DYNC2I1: variants seen among roughly 807,000 people sequenced by gnomAD.
The protein encoded by DYNC2I1 is dynein 2 intermediate chain 1.
A neutral mutation model predicts 133.4 loss-of-function variants in DYNC2I1; 89 were observed. The ratio of observed to expected loss-of-function variants is 0.67; its 90% confidence interval spans 0.56 to 0.80. The LOEUF is 0.80. Ranked by LOEUF, DYNC2I1 falls within the 30% of genes least tolerant of loss-of-function variation. The pLI is 0.00. For missense variants in DYNC2I1, 1,291 were observed against 1,314.5 expected (o/e 0.98, Z 0.28); for synonymous variants, 504 against 484.3 (o/e 1.04, Z -0.54).
At chr7:158,880,052 C>G in intron 5 of DYNC2I1, 63 bp downstream of exon 5, 1 of 1,522,974 alleles carries the variant, frequency 6.6e-7, no homozygotes, top group Admixed American at 2.3e-5. Context: ...TCAGAGGAGG[C>G]TTACCGGGCG....
chr7:158,874,303 G>T (rs1379931588), intron 3 of DYNC2I1, among the ~76,000 whole-genome samples: 1 of 151,878 alleles, frequency 6.6e-6, no homozygotes, highest in African/African-American at 2.4e-5. Context: ...CGCTTCCCAG[G>T]TTCAAGTGAT....
intron 8 of DYNC2I1, among the ~76,000 whole-genome samples, chr7:158,895,122 C>T (rs1238442228): frequency 6.6e-6 from 1 of 152,180 alleles, no homozygotes; most frequent in South Asian, 2.1e-4. Context: ...TTGACATTGT[C>T]TCTTACAGAA....
chr7:158,917,708 G>A (rs1848612286), intron 14 of DYNC2I1, among the ~76,000 whole-genome samples: 1 of 146,270 alleles, frequency 6.8e-6, no homozygotes, highest in African/African-American at 2.6e-5. Flanking sequence ...AACACCCCCT[G>A]CCCTCCACAC....
At chr7:158,903,612 C>T (rs1846450253) in intron 10 of DYNC2I1, 2 of 152,180 alleles carry the variant, frequency 1.3e-5, no homozygotes, top group Admixed American at 1.3e-4. Flanking sequence ...GGCACCTGTC[C>T]TGGTAGAGGT....
chr7:158,932,385 C>T (rs552933593), intron 21 of DYNC2I1, among the ~76,000 whole-genome samples: 1 of 152,184 alleles, frequency 6.6e-6, no homozygotes, highest in African/African-American at 2.4e-5. Context: ...TGGGGGTGCC[C>T]AGAGGCACAT....
At chr7:158,842,116 C>T in the DYNC2I1 span, among the ~76,000 whole-genome samples, 5 of 152,194 alleles carry the variant, frequency 3.3e-5, no homozygotes, top group Admixed American at 2.6e-4. Flanking sequence ...GCAAGCTCCG[C>T]CTCCAGGATT....
At chr7:158,916,293 C>T (rs1848273355) in intron 14 of DYNC2I1, among the ~76,000 whole-genome samples, 4 of 100,252 alleles carry the variant, frequency 4.0e-5, no homozygotes, top group African/African-American at 1.4e-4. Flanking sequence ...GAAACCTCGA[C>T]ACGGTGGTTG....
At chr7:158,932,612 C>T (rs1850336241) in intron 21 of DYNC2I1, among the ~76,000 whole-genome samples, 1 of 152,174 alleles carries the variant, frequency 6.6e-6, no homozygotes, top group Non-Finnish European at 1.5e-5. Flanking sequence ...GGAGCCATTG[C>T]AGCACGTTGA....
intron 8 of DYNC2I1, among the ~76,000 whole-genome samples, chr7:158,898,866 GGTT>G (rs1845975437): frequency 6.6e-6 from 1 of 150,416 alleles, no homozygotes; most frequent in Non-Finnish European, 1.5e-5. Flanking sequence ...ATCAGTTAAA[GGTT>G]GTTTTTTTTT....
intron 9 of DYNC2I1, 86 bp from the exon 10 acceptor site, chr7:158,902,290 A>T: frequency 9.1e-7 from 1 of 1,093,218 alleles, no homozygotes; most frequent in South Asian, 1.5e-5. Flanking sequence ...GTTTTAAGTT[A>T]TAAAGTGTCA....
At chr7:158,894,012 A>G (rs947906069) in intron 8 of DYNC2I1, among the ~76,000 whole-genome samples, 1 of 152,068 alleles carries the variant, frequency 6.6e-6, no homozygotes, top group South Asian at 2.1e-4. Context: ...ACCGTATATC[A>G]TAGTGCATAT....
At chr7:158,901,458 T>C (rs1846253055) in intron 8 of DYNC2I1, among the ~76,000 whole-genome samples, 1 of 152,184 alleles carries the variant, frequency 6.6e-6, no homozygotes, top group South Asian at 2.1e-4. Flanking sequence ...TTGCTGCACA[T>C]TTGAAGTTTA....
rs117478901 is a variant in DYNC2I1 at position 158,952,070 on chromosome 7, C to T, written c.*57-4513C>T. Among the ~76,000 whole-genome samples the T allele has an allele frequency of 1.8e-3, 280 of 152,268 alleles. 1 individual carries two copies. Among genetic ancestry groups the T allele is most frequent in the African/African-American group, 6.1e-3 (253 of 41,548 alleles). Reference sequence around the variant, plus strand: ...ACTCATGGGGCCCGAAGCCATGGTACGTGGCAAGGTCGCGGTGGAAATCCA... The same window carrying T: ...ACTCATGGGGCCCGAAGCCATGGTATGTGGCAAGGTCGCGGTGGAAATCCA... On this transcript the variant is annotated intron_variant and NMD_transcript_variant, in intron 4 of 4. Transcript: ENST00000454771.
chr7:158,890,698 C>CAAGT (rs1308992766), intron 7 of DYNC2I1, among the ~76,000 whole-genome samples: 4 of 151,970 alleles, frequency 2.6e-5, no homozygotes, highest in African/African-American at 4.8e-5. Flanking sequence ...CTCAGCCTCC[C>CAAGT]AAGTAACTGG....
At position 158,921,970 on chromosome 7, in the gene DYNC2I1, A is replaced by G. The variant is rs546625451; in HGVS notation, c.1922-407A>G. ...GCCGCTCGCAGCCTTTGAGGAGAGC[A>G]GTGTGCCACGTGGTGTTCCAGTGCT... On this transcript the variant is annotated intron_variant, in intron 15 of 24. Transcript: ENST00000407559. Among the ~76,000 whole-genome samples the G allele has an allele frequency of 2.6e-5, 4 of 152,350 alleles. No individual in the cohort carries two copies. In the South Asian group the frequency reaches 6.2e-4, roughly 24 times the overall value.
In DYNC2I1 at chr7:158,857,923, T is replaced by C. The variant is rs367708367; in HGVS notation, c.15+1173T>C. Among the ~76,000 whole-genome samples the C allele has an allele frequency of 3.5e-4, 53 of 151,936 alleles. No individual in the cohort carries two copies. The South Asian group carries it at 9.4e-3, about 27-fold the overall frequency. On this transcript the variant is annotated intron_variant, in intron 1 of 24. Transcript: ENST00000407559. ...CTCCTGCCTCAGCCTCCCGAGTAGC[T>C]GGGATTACAGGCAGGTGCCACTATG...
chr7:158,846,785 G>T, the DYNC2I1 span, among the ~76,000 whole-genome samples: 1 of 152,194 alleles, frequency 6.6e-6, no homozygotes, highest in Non-Finnish European at 1.5e-5. Context: ...GAGAAGGCCT[G>T]GGATGGTAAC....
Position 158,917,187 on chromosome 7 carries a change from T to C in DYNC2I1, c.1792-1553T>C, listed in dbSNP as rs1207796950. Among the ~76,000 whole-genome samples the C allele has an allele frequency of 7.2e-4, 102 of 142,064 alleles. 3 individuals are homozygous for C. The highest frequency in any genetic ancestry group is 2.6e-3 in the African/African-American group (95 of 36,702). The allele number at this position is 142,064 out of a possible 152,430, so 93.2% of individuals were successfully genotyped here. On this transcript the variant is annotated intron_variant, in intron 14 of 24. Transcript: ENST00000407559. Reference sequence around the variant, plus strand: ...GTTGACACGTGGTTGACATTAAGGATGATTGTGAAACGTCGACACGCTGGT... The same window carrying C: ...GTTGACACGTGGTTGACATTAAGGACGATTGTGAAACGTCGACACGCTGGT...
At chr7:158,944,763 T>C (rs2527200) in intron 24 of DYNC2I1, among the ~76,000 whole-genome samples, 75,082 of 152,068 alleles carry the variant, frequency 0.49, 18,986 homozygotes, top group Admixed American at 0.55. Context: ...TGGCACCAAG[T>C]TGGATCTCAA....
Sources: allele counts gnomAD v4.1 joint callset (sites outside exome capture counted in the v4.1 genomes callset), GRCh38; gene constraint gnomAD v4.1.1; transcripts MANE v1.5; gene names NCBI Gene and HGNC (gene_info 2026-07-23, HGNC 2026-07-21).